The following KCNIP4 variants were observed in gnomAD, a reference collection of about 807,000 sequenced individuals.
The protein encoded by KCNIP4 is potassium voltage-gated channel interacting protein 4, also known as Kv channel-interacting protein 4.
In KCNIP4, 12 loss-of-function variants were observed where a neutral mutation model predicts 34.0. The observed-to-expected ratio is 0.35, with a 90% CI of 0.23 to 0.57. The LOEUF (loss-of-function observed/expected upper bound fraction) is 0.57. Ranked by LOEUF, KCNIP4 falls within the 20% of genes least tolerant of loss-of-function variation. The pLI, the probability that KCNIP4 is intolerant of heterozygous loss-of-function variation, is 0.83. For missense variants in KCNIP4, 238 were observed against 311.7 expected, an observed-to-expected ratio of 0.76 and a Z score of 1.78; for synonymous variants, 124 against 102.2, an observed-to-expected ratio of 1.21 and a Z score of -1.29.
At chr4:21,672,972 C>T (rs999347117) in intron 1 of KCNIP4, among the ~76,000 whole-genome samples, 9 of 152,160 alleles carry the variant, frequency 5.9e-5, no homozygotes, top group African/African-American at 2.2e-4. Context: ...TGACATGGCT[C>T]CTGGCTTATC....
At chr4:21,486,136 T>C (rs965024053) in intron 1 of KCNIP4, among the ~76,000 whole-genome samples, 13 of 152,220 alleles carry the variant, frequency 8.5e-5, no homozygotes, top group Admixed American at 8.5e-4. Context: ...CTGCATTTAT[T>C]TACTTTTTTA....
At chr4:21,226,264 A>G (rs1039069036) in intron 1 of KCNIP4, among the ~76,000 whole-genome samples, 1 of 40,846 alleles carries the variant, frequency 2.4e-5, no homozygotes, top group Non-Finnish European at 4.2e-5. Flanking sequence ...GGAGGGAGGG[A>G]GGGAGGGCGG....
At chr4:21,479,053 A>G (rs970815936) in intron 1 of KCNIP4, among the ~76,000 whole-genome samples, 2 of 152,154 alleles carry the variant, frequency 1.3e-5, no homozygotes, top group African/African-American at 4.8e-5. Flanking sequence ...CAGTAGGTGA[A>G]CTTTAAGGTC....
chr4:21,030,947 G>C (rs1267058749), intron 1 of KCNIP4, among the ~76,000 whole-genome samples: 2 of 152,164 alleles, frequency 1.3e-5, no homozygotes, highest in Admixed American at 1.3e-4. Context: ...CAGAGCTACA[G>C]CTGTCCATGG....
intron 1 of KCNIP4, among the ~76,000 whole-genome samples, chr4:21,764,368 A>G (rs1718261257): frequency 6.6e-6 from 1 of 152,154 alleles, no homozygotes; most frequent in South Asian, 2.1e-4. Context: ...AAGAGAAATA[A>G]GAAAAGTCCA....
chr4:21,860,873 GATTA>G (rs1725034744), intron 1 of KCNIP4, among the ~76,000 whole-genome samples: 1 of 152,268 alleles, frequency 6.6e-6, no homozygotes, highest in South Asian at 2.1e-4. Context: ...TCTTGAAACT[GATTA>G]ATTTCTTCCC....
At chr4:21,251,498 A>G (rs551254541) in intron 1 of KCNIP4, among the ~76,000 whole-genome samples, 100 of 152,154 alleles carry the variant, frequency 6.6e-4, no homozygotes, top group Non-Finnish European at 1.2e-3. Flanking sequence ...TTGCTCCATC[A>G]ACCTAAAATA....
In KCNIP4 at chr4:21,600,330, G is replaced by T. The variant is rs537396708; in HGVS notation, c.61+348241C>A. Among the ~76,000 whole-genome samples the T allele has an allele frequency of 5.9e-5, 9 of 152,066 alleles. No individual in the cohort carries two copies. The South Asian group carries it at 1.2e-3, about 21-fold the overall frequency. On this transcript the variant is annotated intron_variant, in intron 1 of 8. Transcript: ENST00000382152. ...CTTTCATAATTACTGACATTATTAAGATTTTAAATCTGTATAGAACTAAAG... is the reference window on the plus strand; with the variant it reads ...CTTTCATAATTACTGACATTATTAATATTTTAAATCTGTATAGAACTAAAG...
intron 1 of KCNIP4, among the ~76,000 whole-genome samples, chr4:21,625,783 C>A (rs1387758963): frequency 2.0e-5 from 3 of 152,164 alleles, no homozygotes; most frequent in African/African-American, 7.2e-5. Context: ...ATAGTCAATA[C>A]CTGTAACTGA....
intron 2 of KCNIP4, among the ~76,000 whole-genome samples, chr4:20,872,964 T>C (rs990830718): frequency 4.6e-5 from 7 of 152,338 alleles, no homozygotes; most frequent in African/African-American, 1.7e-4. Flanking sequence ...CTTCATGGCC[T>C]TCCCTCTATG....
intron 1 of KCNIP4, among the ~76,000 whole-genome samples, chr4:21,177,283 AT>A (rs1445679730): frequency 6.6e-6 from 1 of 152,216 alleles, no homozygotes; most frequent in Non-Finnish European, 1.5e-5. Flanking sequence ...AGGAAGAAGA[AT>A]TGCTGATTTA....
intron 1 of KCNIP4, among the ~76,000 whole-genome samples, chr4:21,785,892 C>G (rs547582363): frequency 6.6e-6 from 1 of 152,280 alleles, no homozygotes; most frequent in South Asian, 2.1e-4. Context: ...TTGACTATTA[C>G]AAATAATGCC....
chr4:21,773,309 G>A (rs13132296), intron 1 of KCNIP4, among the ~76,000 whole-genome samples: 37,905 of 151,920 alleles, frequency 0.25, 8,134 homozygotes, highest in African/African-American at 0.59. Flanking sequence ...GTTCTTTTGC[G>A]TTTGCTGTGG....
intron 1 of KCNIP4, among the ~76,000 whole-genome samples, chr4:21,223,602 G>A (rs950505206): frequency 1.3e-5 from 2 of 152,192 alleles, no homozygotes; most frequent in Non-Finnish European, 2.9e-5. Flanking sequence ...ATACTGCAAA[G>A]CATGTAGAAC....
intron 1 of KCNIP4, among the ~76,000 whole-genome samples, chr4:21,892,921 G>A (rs777363585): frequency 1.3e-5 from 2 of 152,096 alleles, no homozygotes; most frequent in African/African-American, 4.8e-5. Flanking sequence ...TTCCACAGGC[G>A]ATATAGCCAC....
intron 5 of KCNIP4, among the ~76,000 whole-genome samples, chr4:20,745,430 G>T (rs947331990): frequency 6.6e-6 from 1 of 152,088 alleles, no homozygotes; most frequent in Non-Finnish European, 1.5e-5. Context: ...ATCTTTTCGT[G>T]CAAAAGAAAA....
rs139244348 is a variant in KCNIP4, at chr4:20,845,755, A to T, written c.288+4788T>A. ...GAGGACCAGGTGGAAACGGACTGCA[A>T]GTAGCCTCTAGGGGCTGCGTGGCCC... On this transcript the variant is annotated intron_variant, in intron 3 of 8. Transcript: ENST00000382152. 1.5e-4 allele frequency among the ~76,000 whole-genome samples: 23 copies of T among 152,300 alleles called. No individual in the cohort carries two copies. The South Asian group carries it at 4.8e-3, about 32-fold the overall frequency.
intron 1 of KCNIP4, among the ~76,000 whole-genome samples, chr4:21,946,100 CTG>C (rs1272758549): frequency 4.0e-5 from 6 of 151,404 alleles, no homozygotes; most frequent in Admixed American, 4.0e-4. Context: ...CAACTCGACT[CTG>C]TTCTGTCATT....
intron 1 of KCNIP4, among the ~76,000 whole-genome samples, chr4:21,837,539 A>AAAAAAAAG (rs1560751569): frequency 2.8e-5 from 4 of 145,308 alleles, no homozygotes; most frequent in Non-Finnish European, 6.1e-5. Context: ...TGTCAAAAAA[A>AAAAAAAAG]AAAAAAAAGA....
Sources: allele counts gnomAD v4.1 joint callset (sites outside exome capture counted in the v4.1 genomes callset), GRCh38; gene constraint gnomAD v4.1.1; transcripts MANE v1.5; gene names NCBI Gene and HGNC (gene_info 2026-07-23, HGNC 2026-07-21).